RBM46: variants seen among roughly 807,000 people sequenced by gnomAD.
RBM46 encodes probable RNA-binding protein 46.
A neutral mutation model predicts 43.3 loss-of-function variants in RBM46; 12 were observed. The ratio of observed to expected loss-of-function variants is 0.28; its 90% confidence interval spans 0.18 to 0.45. The LOEUF (loss-of-function observed/expected upper bound fraction) is 0.45. Ranked by LOEUF, RBM46 falls within the 20% of genes least tolerant of loss-of-function variation. RBM46 has a pLI of 1.00. For synonymous variants in RBM46, 205 were observed against 207.6 expected, an observed-to-expected ratio of 0.99 and a Z score of 0.11; for missense variants, 412 against 639.1, an observed-to-expected ratio of 0.64 and a Z score of 3.83.
chr4:154,799,568 A>C lies in RBM46; in HGVS notation c.1402+4A>C. Reference sequence around the variant, plus strand: ...CAGTTTACATTACTTCATTTGGGTAAGTTTAAAAATACTTTAAATGATGTA... The same window carrying C: ...CAGTTTACATTACTTCATTTGGGTACGTTTAAAAATACTTTAAATGATGTA... On this transcript the variant is annotated splice_donor_region_variant and intron_variant, in intron 4 of 4. Transcript: ENST00000281722. 2 of 1,514,154 alleles carry C rather than the reference A, an allele frequency of 1.3e-6. No individual in the cohort carries two copies. The highest frequency in any genetic ancestry group is 1.8e-6 in the Non-Finnish European group (2 of 1,132,106). The allele number at this position is 1,514,154 out of a possible 1,614,324, so 93.8% of individuals were successfully genotyped here.
At chr4:154,825,752 A>G (rs753065497) in intron 4 of RBM46, among the ~76,000 whole-genome samples, 2 of 152,172 alleles carry the variant, frequency 1.3e-5, no homozygotes, top group Non-Finnish European at 2.9e-5. Flanking sequence ...TGCTTTCTGA[A>G]ATCTTTCCCT....
rs1469493519 is a variant in RBM46 at position 154,814,556 on chromosome 4, T to G, written c.1403-13312T>G. Among the ~76,000 whole-genome samples, 3 of 151,978 alleles carry G rather than the reference T, an allele frequency of 2.0e-5. No individual in the cohort carries two copies. In the East Asian group the frequency reaches 5.8e-4, roughly 29 times the overall value. On this transcript the variant is annotated intron_variant, in intron 4 of 4. Transcript: ENST00000281722. The stretch of plus-strand genomic sequence containing the variant: ...TACATTGGTAATTTAAATCCCAGCA[T>G]TTTTCCTGTTAAATTTGATTTCATT...
intron 4 of RBM46, among the ~76,000 whole-genome samples, chr4:154,800,570 T>G (rs953068943): frequency 3.9e-5 from 6 of 152,138 alleles, no homozygotes; most frequent in Non-Finnish European, 7.4e-5. Flanking sequence ...CACTATGGTG[T>G]TTTCCTACTT....
chr4:154,794,730 G>A (rs1734267384), intron 1 of RBM46, among the ~76,000 whole-genome samples: 2 of 152,120 alleles, frequency 1.3e-5, no homozygotes, highest in South Asian at 4.2e-4. Context: ...GCATGGGTAG[G>A]CTCCTTAATT....
intron 4 of RBM46, among the ~76,000 whole-genome samples, chr4:154,821,450 T>C (rs1735720238): frequency 6.6e-6 from 1 of 151,782 alleles, no homozygotes; most frequent in South Asian, 2.1e-4. Flanking sequence ...CTGATTGTAA[T>C]TTTTTCTCTC....
chr4:154,811,520 C>T (rs1735169792), intron 4 of RBM46, among the ~76,000 whole-genome samples: 1 of 151,856 alleles, frequency 6.6e-6, no homozygotes, highest in Non-Finnish European at 1.5e-5. Context: ...AAAACAAATC[C>T]AAGATACCAG....
intron 4 of RBM46, among the ~76,000 whole-genome samples, chr4:154,801,907 TA>T (rs368570057): frequency 6.6e-6 from 1 of 152,342 alleles, no homozygotes; most frequent in African/African-American, 2.4e-5. Flanking sequence ...GTAACATCAG[TA>T]AATGAAATCC....
At chr4:154,814,399 A>C (rs1459498819) in intron 4 of RBM46, among the ~76,000 whole-genome samples, 1 of 152,094 alleles carries the variant, frequency 6.6e-6, no homozygotes, top group African/African-American at 2.4e-5. Flanking sequence ...ATGGTAAATT[A>C]AATTGGGTGA....
chr4:154,797,833 T>C lies in RBM46; in HGVS notation c.174T>C (p.Pro58=). 2 of 1,550,030 alleles carry C rather than the reference T, an allele frequency of 1.3e-6. No homozygotes were observed. The highest frequency in any genetic ancestry group is 1.4e-5 in the African/African-American group (1 of 72,612). Reference sequence around the variant, plus strand: ...CAGGTTGGGAAGGTCCACCTCCACCTAGAGGCTGTGAAGTTTTTGTAGGAA... The same window carrying C: ...CAGGTTGGGAAGGTCCACCTCCACCCAGAGGCTGTGAAGTTTTTGTAGGAA... ...PPPGWEGPPP[P]RGCEVFVGKI... is the part of the protein sequence containing the mutation. Residue 58 remains proline (P), a synonymous_variant, in exon 3 of 5, where the codon CCT becomes CCC. Transcript: ENST00000281722.
chr4:154,798,301 A>C, intron 3 of RBM46, 23 bp downstream of exon 3: 1 of 1,418,688 alleles, frequency 7.0e-7, no homozygotes, highest in East Asian at 2.3e-5. Flanking sequence ...GTTGTTTTTC[A>C]ATATTAACAT....
rs140639750 is a variant in RBM46, at chr4:154,799,500, C to A, written c.1338C>A (p.Asp446Glu). The A allele has an allele frequency of 1.7e-5, 28 of 1,611,756 alleles. No individual in the cohort carries two copies. The highest frequency in any genetic ancestry group is 4.0e-5 in the African/African-American group (3 of 74,860). ...ANGSQSYFMP[D>E]KLCTTLEDAK... ...GATCCCAGAGTTACTTCATGCCAGA[C>A]AAACTCTGTACTACGTTAGAAGATG... The change falls in exon 4 of 5, where the codon GAC becomes GAA. Residue 446 changes from aspartate (D) to glutamate (E), a missense_variant. Asp to Glu is a conservative substitution (Grantham distance 45). Coordinates refer to ENST00000281722, the MANE Select transcript of RBM46 (RefSeq NM_144979.5).
chr4:154,808,932 G>A (rs1245884279), intron 4 of RBM46, among the ~76,000 whole-genome samples: 1 of 152,004 alleles, frequency 6.6e-6, no homozygotes, highest in Non-Finnish European at 1.5e-5. Flanking sequence ...GAATTAAAGG[G>A]AAAGAGGCAA....
chr4:154,813,665 C>A (rs1016152184), intron 4 of RBM46, among the ~76,000 whole-genome samples: 12 of 151,948 alleles, frequency 7.9e-5, no homozygotes, highest in African/African-American at 2.9e-4. Context: ...TATGTTATTT[C>A]TAATCTTAGT....
rs188004626 is a variant in RBM46, at chr4:154,805,075, A to G, written c.1402+5511A>G. On this transcript the variant is annotated intron_variant, in intron 4 of 4. Transcript: ENST00000281722. The stretch of plus-strand genomic sequence containing the variant: ...GTCAGAGAGGGGCACAACATGAGCA[A>G]ACTCCTCTTAGAAAAATAGCATGTG... Among the ~76,000 whole-genome samples, 6 of 152,224 alleles carry G rather than the reference A, an allele frequency of 3.9e-5. No individual in the cohort carries two copies. The East Asian group carries it at 1.2e-3, about 29-fold the overall frequency.
At chr4:154,817,775 C>G (rs1735526105) in intron 4 of RBM46, among the ~76,000 whole-genome samples, 1 of 152,086 alleles carries the variant, frequency 6.6e-6, no homozygotes, top group African/African-American at 2.4e-5. Context: ...GGGATTAAGT[C>G]TCTCATTTTG....
chr4:154,794,641 T>C (rs895623338), intron 1 of RBM46, among the ~76,000 whole-genome samples: 2 of 152,186 alleles, frequency 1.3e-5, no homozygotes, highest in African/African-American at 4.8e-5. Context: ...AGGTATACCT[T>C]GTACATGCCA....
At chr4:154,817,190 T>C (rs1417468642) in intron 4 of RBM46, among the ~76,000 whole-genome samples, 1 of 152,138 alleles carries the variant, frequency 6.6e-6, no homozygotes, top group African/African-American at 2.4e-5. Context: ...TTATATAAGA[T>C]TGGTGTTACA....
At position 154,799,226 on chromosome 4, in the gene RBM46, A is replaced by G. The variant is rs756818461; in HGVS notation, c.1064A>G (p.Asn355Ser). 5.0e-6 allele frequency: 8 copies of G among 1,614,044 alleles called. No homozygotes were observed. The Admixed American group carries it at 1.2e-4, about 24-fold the overall frequency. ...CTGCCAACTCTTCCTGCTCGTCTCA[A>G]TGGTCAGCATAGCCCAAGTCCGCCT... ...GKLPTLPARLNGQHSPSPPEV... is the reference protein window; with the variant it reads ...GKLPTLPARLSGQHSPSPPEV... Residue 355 changes from asparagine to serine, a missense_variant, in exon 4 of 5, where the codon AAT (asparagine) becomes AGT (serine). By Grantham distance (46) the Asn-to-Ser change is conservative (BLOSUM62 1). Transcript: ENST00000281722.
intron 1 of RBM46, among the ~76,000 whole-genome samples, chr4:154,790,010 C>T (rs1306928178): frequency 5.3e-5 from 8 of 152,134 alleles, no homozygotes; most frequent in Non-Finnish European, 7.3e-5. Flanking sequence ...TCTGTGAGAT[C>T]GATGGTGATA....
Sources: gnomAD v4.1 joint callset for allele counts (sites outside exome capture counted in the v4.1 genomes callset) on GRCh38, gnomAD v4.1.1 for gene constraint, MANE v1.5 for transcripts, NCBI Gene and HGNC (gene_info 2026-07-23, HGNC 2026-07-21) for gene names.